The following LIN28A variants were observed in gnomAD, a reference collection of about 807,000 sequenced individuals.
The protein encoded by LIN28A is protein lin-28 homolog A.
In LIN28A, 11 loss-of-function variants were observed where a neutral mutation model predicts 21.1. The observed-to-expected ratio is 0.52, with a 90% CI of 0.33 to 0.86. The LOEUF (loss-of-function observed/expected upper bound fraction) is 0.86, where lower values mean the gene tolerates loss of function less well. LIN28A is among the 40% of genes least tolerant of loss of function. The probability of loss-of-function intolerance (pLI) is 0.03; values close to 1 mark genes in which losing one functional copy is unlikely to be tolerated. For synonymous variants in LIN28A, 111 were observed against 108.7 expected (o/e 1.02, Z -0.13); for missense variants, 219 against 279.8 (o/e 0.78, Z 1.55).
At position 26,426,661 on chromosome 1, in the gene LIN28A, A is replaced by C. The variant is rs943372650; in HGVS notation, c.*203A>C. 5.3e-6 allele frequency: 3 copies of C among 565,060 alleles called. No homozygotes were observed. Among genetic ancestry groups the C allele is most frequent in the Non-Finnish European group, 9.7e-6 (3 of 309,470 alleles). The allele number at this position is 565,060 out of a possible 1,614,324, so 35.0% of individuals were successfully genotyped here. On this transcript the variant is annotated 3_prime_UTR_variant, in exon 4 of 4. Coordinates refer to ENST00000326279, the MANE Select transcript of LIN28A (RefSeq NM_024674.6). ...CTCCAACCATGCTCTGTCCAAATGCAAGTGAGGGTTCTGGGGGCAACCAGG... is the reference window on the plus strand; with the variant it reads ...CTCCAACCATGCTCTGTCCAAATGCCAGTGAGGGTTCTGGGGGCAACCAGG...
Position 26,411,713 on chromosome 1 carries a change from G to C in LIN28A, c.228+131G>C. 1.1e-6 allele frequency: 1 copy of C among 879,856 alleles called. No homozygotes were observed. The highest frequency in any genetic ancestry group is 2.7e-5 in the East Asian group (1 of 36,746). The allele number at this position is 879,856 out of a possible 1,614,324, so 54.5% of individuals were successfully genotyped here. A position where few individuals can be genotyped will look rare whatever the true frequency, so the allele number is the denominator to read the frequency against. On this transcript the variant is annotated intron_variant, in intron 2 of 3. Coordinates refer to ENST00000326279, the MANE Select transcript of LIN28A (RefSeq NM_024674.6). The surrounding 1 kb of genome is among the most constrained non-coding windows in gnomAD (Gnocchi z 5.4). ...ATTATGCATCCCTGTCTTTGCTTCGGCACCCCAATTCTGAGTCCCTGTTAA... is the reference window on the plus strand; with the variant it reads ...ATTATGCATCCCTGTCTTTGCTTCGCCACCCCAATTCTGAGTCCCTGTTAA...
At chr1:26,412,441 G>T (rs1473032710) in intron 2 of LIN28A, among the ~76,000 whole-genome samples, 3 of 152,144 alleles carry the variant, frequency 2.0e-5, no homozygotes, top group Non-Finnish European at 4.4e-5. Context: ...AGAGACTTCA[G>T]GTCTCCCTCC....
At chr1:26,414,448 A>G (rs956976088) in intron 2 of LIN28A, among the ~76,000 whole-genome samples, 3 of 152,104 alleles carry the variant, frequency 2.0e-5, no homozygotes, top group Non-Finnish European at 4.4e-5. Flanking sequence ...TAGGATCCCA[A>G]TGCCCTGTTA....
At chr1:26,415,916 G>A (rs1193236283) in intron 2 of LIN28A, among the ~76,000 whole-genome samples, 1 of 152,188 alleles carries the variant, frequency 6.6e-6, no homozygotes, top group Non-Finnish European at 1.5e-5. Flanking sequence ...GAGGTAGGAA[G>A]GTTCATGAAG....
At chr1:26,418,681 C>G (rs373954353) in intron 2 of LIN28A, among the ~76,000 whole-genome samples, 9 of 152,308 alleles carry the variant, frequency 5.9e-5, no homozygotes, top group East Asian at 5.8e-4. Flanking sequence ...TTCTCTCCCC[C>G]TCCCCTTTAA....
rs763514579 is a variant in LIN28A, at chr1:26,410,866, C to T, written c.-26C>T. Reference sequence around the variant, plus strand: ...GCCAGCAGCCGCCCGACCAGGGGCCCGGGGCCACGGGCTCAGCCGACGACC... The same window carrying T: ...GCCAGCAGCCGCCCGACCAGGGGCCTGGGGCCACGGGCTCAGCCGACGACC... On this transcript the variant is annotated 5_prime_UTR_variant, in exon 1 of 4. Transcript: ENST00000326279. 9 of 1,612,022 alleles carry T rather than the reference C, an allele frequency of 5.6e-6. No homozygotes were observed. Among genetic ancestry groups the T allele is most frequent in the Non-Finnish European group, 6.8e-6 (8 of 1,179,274 alleles).
Position 26,411,557 on chromosome 1 carries a change from C to A in LIN28A, c.203C>A (p.Pro68His). ...GCCCGCGCCGGGGTCGCGCTCGACC[C>A]CCCAGTGGATGTCTTTGTGCACCAG... Reference protein sequence around the residue: ...MTARAGVALDPPVDVFVHQSK... With the variant: ...MTARAGVALDHPVDVFVHQSK... The change falls in exon 2 of 4, where the codon CCC becomes CAC. Residue 68 changes from proline to histidine, a missense_variant. Transcript: ENST00000326279. The surrounding 1 kb of genome is among the most constrained non-coding windows in gnomAD (Gnocchi z 5.4). 1.9e-6 allele frequency: 3 copies of A among 1,613,780 alleles called. No homozygotes were observed. The highest frequency in any genetic ancestry group is 2.5e-6 in the Non-Finnish European group (3 of 1,179,908).
chr1:26,420,440 CCT>C (rs2075022060), intron 2 of LIN28A, among the ~76,000 whole-genome samples: 1 of 151,768 alleles, frequency 6.6e-6, no homozygotes, highest in South Asian at 2.1e-4. Flanking sequence ...AAGGTGAAAC[CCT>C]GTCTCTACTA....
At chr1:26,422,207 G>C (rs1570315737) in intron 2 of LIN28A, among the ~76,000 whole-genome samples, 1 of 151,684 alleles carries the variant, frequency 6.6e-6, no homozygotes, top group East Asian at 1.9e-4. Context: ...ATGGGTTTTT[G>C]CCATATTGCC....
intron 2 of LIN28A, among the ~76,000 whole-genome samples, chr1:26,418,121 T>C (rs2075005945): frequency 6.6e-6 from 1 of 152,056 alleles, no homozygotes; most frequent in Non-Finnish European, 1.5e-5. Flanking sequence ...AAGGCATAAA[T>C]TGAAGCTGGG....
intron 2 of LIN28A, among the ~76,000 whole-genome samples, chr1:26,413,790 CTTGTTTTT>C (rs1230767909): frequency 1.4e-3 from 196 of 137,792 alleles, no homozygotes; most frequent in African/African-American, 5.2e-3. Context: ...AGTCTTTGCA[CTTGTTTTT>C]TTGTTTGTTT....
chr1:26,419,385 G>A (rs969748631), intron 2 of LIN28A, among the ~76,000 whole-genome samples: 7 of 152,258 alleles, frequency 4.6e-5, no homozygotes, highest in Admixed American at 3.3e-4. Flanking sequence ...GATGCAGTGA[G>A]TGACCTGAGA....
intron 3 of LIN28A, among the ~76,000 whole-genome samples, chr1:26,426,039 G>A (rs1229705898): frequency 1.3e-5 from 2 of 152,136 alleles, no homozygotes; most frequent in Non-Finnish European, 2.9e-5. Context: ...ACATGAATCT[G>A]AAGAGATCAC....
chr1:26,416,061 C>T (rs1033689504), intron 2 of LIN28A, among the ~76,000 whole-genome samples: 8 of 151,776 alleles, frequency 5.3e-5, no homozygotes, highest in African/African-American at 1.9e-4. Context: ...GGCACGAACT[C>T]GGCTCACTGC....
At chr1:26,413,119 G>A (rs564068879) in intron 2 of LIN28A, among the ~76,000 whole-genome samples, 1 of 152,246 alleles carries the variant, frequency 6.6e-6, no homozygotes, top group African/African-American at 2.4e-5. Flanking sequence ...ACAGGAACCA[G>A]CTTTGAATGG....
chr1:26,413,334 T>C (rs2074972498), intron 2 of LIN28A, among the ~76,000 whole-genome samples: 1 of 152,152 alleles, frequency 6.6e-6, no homozygotes, highest in African/African-American at 2.4e-5. Context: ...CCTCATCTTC[T>C]GGGTTCCTTG....
At position 26,424,519 on chromosome 1, in the gene LIN28A, C is replaced by A. The variant is rs577426773; in HGVS notation, c.229-784C>A. 1.6e-3 allele frequency among the ~76,000 whole-genome samples: 244 copies of A among 152,304 alleles called. 4 individuals carry two copies. The highest frequency in any genetic ancestry group is 2.8e-4 in the Non-Finnish European group (19 of 68,030). On this transcript the variant is annotated intron_variant, in intron 2 of 3. Coordinates refer to ENST00000326279, the MANE Select transcript of LIN28A (RefSeq NM_024674.6). ...CCTCCCAAAGTGCTGGGGTTAAAGGCGTAAGCCACCGTGTGTGGCTGAGCC... is the reference window on the plus strand; with the variant it reads ...CCTCCCAAAGTGCTGGGGTTAAAGGAGTAAGCCACCGTGTGTGGCTGAGCC...
chr1:26,421,202 T>A (rs1557762980), intron 2 of LIN28A, among the ~76,000 whole-genome samples: 1 of 152,240 alleles, frequency 6.6e-6, no homozygotes, highest in Non-Finnish European at 1.5e-5. Context: ...CTCAGCTGAA[T>A]GATTAAAAAT....
At position 26,411,496 on chromosome 1, in the gene LIN28A, A is replaced by C; in HGVS notation, c.142A>C (p.Asn48His). Residue 48 changes from asparagine (N) to histidine (H), a missense_variant, in exon 2 of 4, where the codon AAC (asparagine) becomes CAC (histidine). Coordinates refer to ENST00000326279, the MANE Select transcript of LIN28A (RefSeq NM_024674.6). This position sits in a 1 kb window ranked among gnomAD's most constrained non-coding sequence, Gnocchi z 5.4. ...CGGTGCGGGCATCTGTAAGTGGTTC[A>C]ACGTGCGCATGGGGTTCGGCTTCCT... ...LHGAGICKWF[N>H]VRMGFGFLSM... 6.2e-7 allele frequency: 1 copy of C among 1,614,102 alleles called. No homozygotes were observed. The highest frequency in any genetic ancestry group is 8.5e-7 in the Non-Finnish European group (1 of 1,179,986).
Sources: gnomAD v4.1 joint callset for allele counts (sites outside exome capture counted in the v4.1 genomes callset) on GRCh38, gnomAD v4.1.1 for gene constraint, Gnocchi (gnomAD v3.1) non-coding constraint, MANE v1.5 for transcripts, NCBI Gene and HGNC (gene_info 2026-07-23, HGNC 2026-07-21) for gene names.